Variants in KCNK2 observed in about 807,000 individuals in gnomAD.
KCNK2 encodes potassium channel subfamily K member 2.
KCNK2 carries 21 observed loss-of-function variants against 40.5 expected under a neutral mutation model. The observed-to-expected ratio is 0.52, with a 90% CI of 0.37 to 0.75. The LOEUF (loss-of-function observed/expected upper bound fraction) is 0.75. Ranked by LOEUF, KCNK2 falls within the 30% of genes least tolerant of loss-of-function variation. The pLI, the probability that KCNK2 is intolerant of heterozygous loss-of-function variation, is 0.00. For missense variants in KCNK2, 399 were observed against 531.6 expected (o/e 0.75, Z 2.45); for synonymous variants, 191 against 202.2 (o/e 0.94, Z 0.47).
intron 1 of KCNK2, among the ~76,000 whole-genome samples, chr1:215,029,456 TTTC>T (rs1442166314): frequency 1.4e-5 from 2 of 144,522 alleles, no homozygotes; most frequent in African/African-American, 5.0e-5. Flanking sequence ...TGATGGCTCA[TTTC>T]TTCTTAGTGC....
At chr1:215,198,231 G>A (rs908971557) in intron 6 of KCNK2, among the ~76,000 whole-genome samples, 2 of 152,156 alleles carry the variant, frequency 1.3e-5, no homozygotes, top group Middle Eastern at 3.4e-3. Flanking sequence ...TGCATCTGTC[G>A]AAAGCTCCCA....
At chr1:215,199,079 G>A (rs745764511) in intron 6 of KCNK2, among the ~76,000 whole-genome samples, 17 of 152,058 alleles carry the variant, frequency 1.1e-4, no homozygotes, top group Non-Finnish European at 1.9e-4. Context: ...AGGCTGAGGC[G>A]GGAGGATCAC....
chr1:215,155,811 G>A (rs564614435), intron 3 of KCNK2, among the ~76,000 whole-genome samples: 1 of 152,040 alleles, frequency 6.6e-6, no homozygotes, highest in Non-Finnish European at 1.5e-5. Context: ...GAACCACCAC[G>A]CCAGGCCGAG....
chr1:215,163,449 T>G (rs1051692457), intron 3 of KCNK2, among the ~76,000 whole-genome samples: 1 of 152,130 alleles, frequency 6.6e-6, no homozygotes, highest in South Asian at 2.1e-4. Flanking sequence ...GAACTTCCAA[T>G]ACTGTGTTGA....
chr1:215,086,303 G>T (rs1047589934), intron 1 of KCNK2, 65 bp from the exon 2 acceptor site: 3 of 1,358,958 alleles, frequency 2.2e-6, no homozygotes, highest in Non-Finnish European at 2.1e-6. Flanking sequence ...ACCCCTTAAA[G>T]AAGAAGCCCG....
intron 6 of KCNK2, among the ~76,000 whole-genome samples, chr1:215,199,626 T>C (rs561861085): frequency 2.0e-5 from 3 of 152,246 alleles, no homozygotes; most frequent in African/African-American, 4.8e-5. Flanking sequence ...GGTAGGCACA[T>C]GTTTAACAGA....
intron 2 of KCNK2, among the ~76,000 whole-genome samples, chr1:215,111,988 AAGTACAGGGATTTACTCTTTTCT>A (rs1344309411): frequency 2.0e-5 from 3 of 147,410 alleles, no homozygotes; most frequent in Non-Finnish European, 3.0e-5. Context: ...GTAAGTTACC[AAGTACAGGGATTTACTCTTTTCT>A]TTTTCAGGGG....
At chr1:215,202,623 T>C (rs141460615) in intron 6 of KCNK2, among the ~76,000 whole-genome samples, 1 of 152,164 alleles carries the variant, frequency 6.6e-6, no homozygotes, top group Non-Finnish European at 1.5e-5. Context: ...AAGGCCTTAA[T>C]AAGTCAAAAT....
intron 3 of KCNK2, among the ~76,000 whole-genome samples, chr1:215,148,080 C>CTTTCT (rs1553267720): frequency 0.62 from 68,837 of 110,860 alleles, 22,133 homozygotes; most frequent in Non-Finnish European, 0.69. Flanking sequence ...TTTTCTTTTC[C>CTTTCT]TTTTTTTTTT....
At chr1:215,077,303 C>T (rs1253410857) in intron 1 of KCNK2, among the ~76,000 whole-genome samples, 2 of 152,080 alleles carry the variant, frequency 1.3e-5, no homozygotes, top group Non-Finnish European at 2.9e-5. Context: ...GTTGTCTCTC[C>T]CTGAGTTTTT....
chr1:215,144,105 CTT>C, intron 3 of KCNK2, among the ~76,000 whole-genome samples: 1 of 152,190 alleles, frequency 6.6e-6, no homozygotes, highest in Non-Finnish European at 1.5e-5. Flanking sequence ...TGGCATTACT[CTT>C]TTGATGCTGA....
At chr1:215,134,860 A>C (rs12068734) in intron 3 of KCNK2, among the ~76,000 whole-genome samples, 86,108 of 151,682 alleles carry the variant, frequency 0.57, 26,414 homozygotes, top group Non-Finnish European at 0.68. Context: ...CAAGGGTTTT[A>C]GGGGGCTCTG....
intron 3 of KCNK2, among the ~76,000 whole-genome samples, chr1:215,162,870 G>A (rs6673739): frequency 6.7e-6 from 1 of 150,194 alleles, no homozygotes; most frequent in South Asian, 2.1e-4. Context: ...ATACTGCCAG[G>A]TTTGTTTTTT....
intron 5 of KCNK2, among the ~76,000 whole-genome samples, chr1:215,192,463 CTT>C (rs1664706769): frequency 6.6e-6 from 1 of 152,126 alleles, no homozygotes; most frequent in African/African-American, 2.4e-5. Flanking sequence ...AGAAAGAAGA[CTT>C]ATAAAAAGTA....
At chr1:215,186,543 T>C (rs1664446667) in intron 5 of KCNK2, among the ~76,000 whole-genome samples, 1 of 152,228 alleles carries the variant, frequency 6.6e-6, no homozygotes, top group South Asian at 2.1e-4. Flanking sequence ...ACTTTGCCAT[T>C]TATCACTGTG....
At chr1:215,029,597 A>G (rs1415066651) in intron 1 of KCNK2, among the ~76,000 whole-genome samples, 1 of 146,970 alleles carries the variant, frequency 6.8e-6, no homozygotes, top group African/African-American at 2.5e-5. Flanking sequence ...TATTTGATAT[A>G]TTTAATATAT....
chr1:215,077,913 T>G (rs1659004165), upstream of KCNK2, among the ~76,000 whole-genome samples: 1 of 152,200 alleles, frequency 6.6e-6, no homozygotes, highest in African/African-American at 2.4e-5. Flanking sequence ...TATCAGAATT[T>G]TAAGCACTCA....
intron 1 of KCNK2, among the ~76,000 whole-genome samples, chr1:215,084,383 A>G (rs1659337517): frequency 6.6e-6 from 1 of 152,200 alleles, no homozygotes; most frequent in Non-Finnish European, 1.5e-5. Flanking sequence ...CAAATAGGAG[A>G]GCACAGAGAT....
At chr1:215,030,066 G>A (rs764355220) in intron 1 of KCNK2, among the ~76,000 whole-genome samples, 1 of 152,196 alleles carries the variant, frequency 6.6e-6, no homozygotes, top group Non-Finnish European at 1.5e-5. Context: ...ATCCTTGCCA[G>A]CATTTGGTGC....
Sources: allele counts gnomAD v4.1 joint callset (sites outside exome capture counted in the v4.1 genomes callset), GRCh38; gene constraint gnomAD v4.1.1; transcripts MANE v1.5; gene names NCBI Gene and HGNC (gene_info 2026-07-23, HGNC 2026-07-21).